PLB1: variants seen among roughly 807,000 people sequenced by gnomAD.
PLB1 encodes the protein phospholipase B1.
A neutral mutation model predicts 227.4 loss-of-function variants in PLB1; 242 were observed. The ratio of observed to expected loss-of-function variants is 1.06; its 90% confidence interval spans 0.96 to 1.18. The LOEUF is 1.18. PLB1 is among the 50% of genes most tolerant of loss of function. The probability of loss-of-function intolerance (pLI) is 0.00; values close to 1 mark genes in which losing one functional copy is unlikely to be tolerated. For missense variants in PLB1, 1,858 were observed against 1,816.3 expected (o/e 1.02, Z -0.42); for synonymous variants, 757 against 682.2 (o/e 1.11, Z -1.71).
intron 57 of PLB1, among the ~76,000 whole-genome samples, chr2:28,642,193 G>A (rs1332322471): frequency 1.3e-5 from 2 of 152,070 alleles, no homozygotes; most frequent in African/African-American, 2.4e-5. Context: ...ATGAGACACC[G>A]ACCCAGTCTC....
intron 43 of PLB1, among the ~76,000 whole-genome samples, chr2:28,607,380 G>A (rs1684837158): frequency 1.3e-5 from 2 of 152,112 alleles, no homozygotes; most frequent in African/African-American, 4.8e-5. Context: ...TGTCTGCTGG[G>A]AATCCTGAGA....
intron 1 of PLB1, among the ~76,000 whole-genome samples, chr2:28,505,098 C>T (rs541449124): frequency 7.9e-5 from 12 of 152,316 alleles, no homozygotes; most frequent in Non-Finnish European, 1.3e-4. Context: ...ATGATAAGCA[C>T]AGTTCATGTA....
At chr2:28,553,562 A>G (rs1572932825) in intron 17 of PLB1, among the ~76,000 whole-genome samples, 1 of 152,188 alleles carries the variant, frequency 6.6e-6, no homozygotes, top group African/African-American at 2.4e-5. Flanking sequence ...CTTTGCCTCC[A>G]GGCAAGGTAG....
At chr2:28,591,920 C>T (rs1165085279) in intron 31 of PLB1, among the ~76,000 whole-genome samples, 160 bp downstream of exon 31, 2 of 152,200 alleles carry the variant, frequency 1.3e-5, no homozygotes, top group East Asian at 3.9e-4. Flanking sequence ...CTGTTTCGCA[C>T]CACTCTGGCT....
At chr2:28,637,112 G>GAT (rs1689449756) in intron 56 of PLB1, among the ~76,000 whole-genome samples, 1 of 151,972 alleles carries the variant, frequency 6.6e-6, no homozygotes, top group Admixed American at 6.6e-5. Context: ...TAGCCAACAT[G>GAT]GTGAAACCCC....
At chr2:28,591,864 C>A in intron 31 of PLB1, 104 bp downstream of exon 31, 2 of 1,166,302 alleles carry the variant, frequency 1.7e-6, no homozygotes, top group South Asian at 1.3e-5. Context: ...GGCACAGTGA[C>A]GGCCAGTGCT....
At chr2:28,556,571 C>T (rs547989106) in intron 17 of PLB1, among the ~76,000 whole-genome samples, 1 of 152,274 alleles carries the variant, frequency 6.6e-6, no homozygotes, top group Non-Finnish European at 1.5e-5. Context: ...ACGGCCCTCT[C>T]CCTAACATAG....
chr2:28,637,893 A>C (rs1007508697), intron 56 of PLB1, among the ~76,000 whole-genome samples: 3 of 152,186 alleles, frequency 2.0e-5, no homozygotes, highest in African/African-American at 7.2e-5. Context: ...GTCATTTGCT[A>C]CGTGGTTGGT....
intron 56 of PLB1, among the ~76,000 whole-genome samples, chr2:28,636,979 G>GTGTA (rs1308377591): frequency 6.6e-6 from 1 of 152,084 alleles, no homozygotes; most frequent in Admixed American, 6.6e-5. Flanking sequence ...TCGTTTCTAT[G>GTGTA]TGTATGTTAG....
chr2:28,585,559 G>C, intron 25 of PLB1: 2 of 523,644 alleles, frequency 3.8e-6, no homozygotes, highest in Non-Finnish European at 3.5e-6. Flanking sequence ...TTACAGGCGT[G>C]AGCCACCGCG....
At chr2:28,534,881 A>AG (rs1308747769) in intron 9 of PLB1, among the ~76,000 whole-genome samples, 2 of 151,268 alleles carry the variant, frequency 1.3e-5, no homozygotes, top group Admixed American at 6.6e-5. Flanking sequence ...AAAGAAAAGA[A>AG]AAAAACAGTC....
At chr2:28,606,461 A>G (rs374305518) in intron 42 of PLB1, 35 bp from the exon 43 acceptor site, 12 of 1,592,248 alleles carry the variant, frequency 7.5e-6, no homozygotes, top group African/African-American at 4.0e-5. Context: ...GAAACAAACT[A>G]CTACACCCGT....
intron 21 of PLB1, among the ~76,000 whole-genome samples, chr2:28,577,469 C>T (rs1345266333): frequency 1.3e-5 from 2 of 152,198 alleles, no homozygotes; most frequent in Admixed American, 1.3e-4. Context: ...GAAATACTTA[C>T]AGGCAAAACT....
intron 1 of PLB1, among the ~76,000 whole-genome samples, chr2:28,503,399 C>T (rs1047491157): frequency 6.6e-6 from 1 of 152,162 alleles, no homozygotes; most frequent in African/African-American, 2.4e-5. Flanking sequence ...AAGCTATCAT[C>T]CAACAGCCTC....
intron 51 of PLB1, among the ~76,000 whole-genome samples, chr2:28,628,029 A>G (rs1253381381): frequency 6.6e-6 from 1 of 152,142 alleles, no homozygotes; most frequent in East Asian, 1.9e-4. Context: ...TGTTTGCATC[A>G]CCCAGGATGC....
chr2:28,591,028 C>T, intron 29 of PLB1, 105 bp from the exon 30 acceptor site: 2 of 1,415,162 alleles, frequency 1.4e-6, no homozygotes, highest in Non-Finnish European at 2.0e-6. Context: ...GGACACAGGG[C>T]AGGCAGGCCG....
At chr2:28,541,594 A>G (rs1279577408) in intron 12 of PLB1, 113 bp from the exon 13 acceptor site, 3 of 731,660 alleles carry the variant, frequency 4.1e-6, no homozygotes, top group Non-Finnish European at 2.3e-6. Context: ...ACTTGACCAC[A>G]ACGCAAGAGG....
intron 11 of PLB1, among the ~76,000 whole-genome samples, chr2:28,539,534 G>C (rs570829203): frequency 2.6e-5 from 4 of 152,188 alleles, no homozygotes; most frequent in African/African-American, 9.7e-5. Context: ...GAAAAACGTA[G>C]CCTAAATGTA....
At chr2:28,589,020 C>G (rs1164228177) in intron 26 of PLB1, among the ~76,000 whole-genome samples, 11 of 151,988 alleles carry the variant, frequency 7.2e-5, no homozygotes, top group Non-Finnish European at 1.6e-4. Context: ...AAAAAATTAG[C>G]CAGGCGTGGT....
Sources: gnomAD v4.1 joint callset for allele counts (sites outside exome capture counted in the v4.1 genomes callset) on GRCh38, gnomAD v4.1.1 for gene constraint, MANE v1.5 for transcripts, NCBI Gene and HGNC (gene_info 2026-07-23, HGNC 2026-07-21) for gene names.